The following SLC24A2 variants were observed in gnomAD, a reference collection of about 807,000 sequenced individuals.
SLC24A2 encodes solute carrier family 24 member 2.
SLC24A2 carries 36 observed loss-of-function variants against 62.0 expected under a neutral mutation model. The observed-to-expected ratio is 0.58, with a 90% CI of 0.44 to 0.77. SLC24A2 has a LOEUF of 0.77. Ranked by LOEUF, SLC24A2 falls within the 30% of genes least tolerant of loss-of-function variation. SLC24A2 has a pLI of 0.00. For synonymous variants in SLC24A2, 358 were observed against 294.0 expected, an observed-to-expected ratio of 1.22 and a Z score of -2.23; for missense variants, 846 against 817.9, an observed-to-expected ratio of 1.03 and a Z score of -0.42.
At chr9:20,009,383 C>CAAAAAAAAA in the SLC24A2 span, among the ~76,000 whole-genome samples, 1 of 112,348 alleles carries the variant, frequency 8.9e-6, no homozygotes. Context: ...AACTCTGTCT[C>CAAAAAAAAA]AAAAAAAAAA....
the SLC24A2 span, among the ~76,000 whole-genome samples, chr9:20,269,988 C>G: frequency 2.0e-5 from 3 of 152,168 alleles, no homozygotes; most frequent in Non-Finnish European, 4.4e-5. Context: ...CAAGATTTTT[C>G]ATGCTGCATC....
At chr9:19,819,518 A>G in the SLC24A2 span, among the ~76,000 whole-genome samples, 3 of 151,672 alleles carry the variant, frequency 2.0e-5, no homozygotes, top group African/African-American at 7.3e-5. Context: ...TCAGTAAGAA[A>G]AAAACAATCC....
the SLC24A2 span, among the ~76,000 whole-genome samples, chr9:19,936,769 T>G: frequency 6.6e-6 from 1 of 152,136 alleles, no homozygotes; most frequent in Non-Finnish European, 1.5e-5. Flanking sequence ...CTTTTCATAT[T>G]AAGGTGTCTA....
At chr9:19,552,454 T>C (rs942938212) in intron 7 of SLC24A2, among the ~76,000 whole-genome samples, 1 of 152,160 alleles carries the variant, frequency 6.6e-6, no homozygotes, top group Non-Finnish European at 1.5e-5. Flanking sequence ...GCCCCAGAAA[T>C]AGGCATGGGA....
At chr9:19,630,076 G>A (rs1818138404) in intron 2 of SLC24A2, among the ~76,000 whole-genome samples, 1 of 152,060 alleles carries the variant, frequency 6.6e-6, no homozygotes, top group Non-Finnish European at 1.5e-5. Context: ...AGAAAGGGTA[G>A]GTAGTCATTA....
rs1423916787 is a variant in SLC24A2 at position 19,520,850 on chromosome 9, C to T, written c.1736+44G>A. On this transcript the variant is annotated intron_variant, in intron 10 of 10. Coordinates refer to ENST00000341998, the MANE Select transcript of SLC24A2 (RefSeq NM_020344.4). ...TCCAGCTTCTAAGAAGACAAAGACA[C>T]TGGTGGAGCTGGTGCACACCTTTGT... is the stretch of plus-strand genomic sequence containing the variant. 3.1e-6 allele frequency: 5 copies of T among 1,591,442 alleles called. No individual in the cohort carries two copies. In the African/African-American group the frequency reaches 5.4e-5, roughly 17 times the overall value.
the SLC24A2 span, among the ~76,000 whole-genome samples, chr9:20,008,266 T>C: frequency 6.6e-6 from 1 of 151,964 alleles, no homozygotes; most frequent in Non-Finnish European, 1.5e-5. Flanking sequence ...TGGGTCTCTG[T>C]ATCCTTTGGG....
chr9:20,001,410 G>A, the SLC24A2 span, among the ~76,000 whole-genome samples: 1 of 152,170 alleles, frequency 6.6e-6, no homozygotes, highest in Admixed American at 6.5e-5. Context: ...TAGCAGGAAG[G>A]GGAAGAAGCC....
At chr9:20,165,489 G>A in the SLC24A2 span, among the ~76,000 whole-genome samples, 1 of 151,780 alleles carries the variant, frequency 6.6e-6, no homozygotes, top group South Asian at 2.1e-4. Context: ...CAGAAACAGA[G>A]CACTCTAATG....
chr9:19,575,303 T>TA (rs1835974606), intron 6 of SLC24A2, among the ~76,000 whole-genome samples: 1 of 152,174 alleles, frequency 6.6e-6, no homozygotes, highest in South Asian at 2.1e-4. Flanking sequence ...CTTGGGTGAA[T>TA]AAAACTCTGT....
chr9:19,513,645 A>T lies in SLC24A2; in HGVS notation c.*2508T>A, dbSNP rs1457059378. On this transcript the variant is annotated 3_prime_UTR_variant, in exon 11 of 11. Transcript: ENST00000341998. ...TAAATGGGAGGGAGTGAGGAGGCAG[A>T]GGGAGGATCAGGAATAAGAAGAGGG... The T allele has an allele frequency of 6.6e-6, 1 of 152,190 alleles. No individual in the cohort carries two copies. The highest frequency in any genetic ancestry group is 1.9e-4 in the East Asian group (1 of 5,188). The allele number at this position is 152,190 out of a possible 1,614,324, so 9.4% of individuals were successfully genotyped here.
chr9:19,572,915 G>T (rs911287701), intron 7 of SLC24A2, among the ~76,000 whole-genome samples: 1 of 152,166 alleles, frequency 6.6e-6, no homozygotes, highest in Non-Finnish European at 1.5e-5. Context: ...ACTTAACACA[G>T]ACCTTAAAGA....
In SLC24A2 at chr9:19,528,237, C is replaced by T. The variant is rs1054068678; in HGVS notation, c.1480-99G>A. ...GCCACCATTGTAGCAATTTCTCTAGCATTTCCTGCATCTTAGTAGGATTGG... is the reference window on the plus strand; with the variant it reads ...GCCACCATTGTAGCAATTTCTCTAGTATTTCCTGCATCTTAGTAGGATTGG... On this transcript the variant is annotated intron_variant, in intron 8 of 10. Coordinates refer to ENST00000341998, the MANE Select transcript of SLC24A2 (RefSeq NM_020344.4). 4 of 789,700 alleles carry T rather than the reference C, an allele frequency of 5.1e-6. No homozygotes were observed. The Middle Eastern group carries it at 6.8e-4, about 134-fold the overall frequency. The allele number at this position is 789,700 out of a possible 1,614,324, so 48.9% of individuals were successfully genotyped here. A position where few individuals can be genotyped will look rare whatever the true frequency, so the allele number is the denominator to read the frequency against.
At chr9:20,269,808 G>A in the SLC24A2 span, among the ~76,000 whole-genome samples, 1 of 151,904 alleles carries the variant, frequency 6.6e-6, no homozygotes, top group African/African-American at 2.4e-5. Flanking sequence ...CTTCTTCTTG[G>A]CATTGACCCA....
the SLC24A2 span, among the ~76,000 whole-genome samples, chr9:20,045,472 C>G: frequency 1.3e-5 from 2 of 152,056 alleles, no homozygotes; most frequent in Non-Finnish European, 2.9e-5. Context: ...CGCACTGTCG[C>G]CCGGGCTGGA....
At chr9:20,143,220 C>T in the SLC24A2 span, among the ~76,000 whole-genome samples, 1 of 152,076 alleles carries the variant, frequency 6.6e-6, no homozygotes, top group African/African-American at 2.4e-5. Context: ...AACTATTTGT[C>T]CAGTGGCTGG....
the SLC24A2 span, among the ~76,000 whole-genome samples, chr9:19,812,405 T>C: frequency 6.6e-6 from 1 of 152,290 alleles, no homozygotes; most frequent in Middle Eastern, 3.4e-3. Context: ...CAGCAATCTA[T>C]CTTCTACTTC....
At chr9:19,616,489 AT>A (rs1457463487) in intron 4 of SLC24A2, among the ~76,000 whole-genome samples, 1 of 152,194 alleles carries the variant, frequency 6.6e-6, no homozygotes, top group Admixed American at 6.5e-5. Context: ...TTGCTACATA[AT>A]ACTGCCTTGC....
the SLC24A2 span, among the ~76,000 whole-genome samples, chr9:20,235,810 C>G: frequency 6.6e-6 from 1 of 152,234 alleles, no homozygotes; most frequent in Non-Finnish European, 1.5e-5. Flanking sequence ...AATCACCCAT[C>G]TTCTGTGTCG....
Sources: gnomAD v4.1 joint callset for allele counts (sites outside exome capture counted in the v4.1 genomes callset) on GRCh38, gnomAD v4.1.1 for gene constraint, MANE v1.5 for transcripts, NCBI Gene and HGNC (gene_info 2026-07-23, HGNC 2026-07-21) for gene names.